The following ULK4 variants were observed in gnomAD, a reference collection of about 807,000 sequenced individuals.
ULK4 encodes the protein inactive serine/threonine-protein kinase ULK4.
In ULK4, 133 loss-of-function variants were observed where a neutral mutation model predicts 160.6. The ratio of observed to expected loss-of-function variants is 0.83; its 90% CI spans 0.72 to 0.96. The LOEUF is 0.96. Ranked by LOEUF, ULK4 falls within the 40% of genes least tolerant of loss-of-function variation. ULK4 has a pLI of 0.00. For missense variants in ULK4, 1,580 were observed against 1,499.5 expected, an observed-to-expected ratio of 1.05 and a Z score of -0.89; for synonymous variants, 534 against 539.8, an observed-to-expected ratio of 0.99 and a Z score of 0.15.
chr3:41,306,018 G>T (rs1400568312), intron 35 of ULK4, among the ~76,000 whole-genome samples: 1 of 147,762 alleles, frequency 6.8e-6, no homozygotes, highest in Non-Finnish European at 1.5e-5. Flanking sequence ...GAGCCCCTCC[G>T]CCTGGCAGTC....
intron 30 of ULK4, among the ~76,000 whole-genome samples, chr3:41,645,810 T>C (rs1237132304): frequency 6.6e-6 from 1 of 152,180 alleles, no homozygotes; most frequent in East Asian, 1.9e-4. Flanking sequence ...TCTCCCATTA[T>C]TATTGTGTGG....
At chr3:41,433,302 G>A (rs1575552355) in intron 34 of ULK4, among the ~76,000 whole-genome samples, 1 of 152,296 alleles carries the variant, frequency 6.6e-6, no homozygotes, top group East Asian at 1.9e-4. Flanking sequence ...CAGGTTTCAT[G>A]TGTCAGAATG....
At chr3:41,311,633 A>G (rs1349589355) in intron 35 of ULK4, among the ~76,000 whole-genome samples, 1 of 152,020 alleles carries the variant, frequency 6.6e-6, no homozygotes, top group African/African-American at 2.4e-5. Context: ...CAGTGGTGCA[A>G]TCTCGACTCA....
chr3:41,826,802 A>C (rs1273191514), intron 18 of ULK4, among the ~76,000 whole-genome samples: 1 of 145,906 alleles, frequency 6.9e-6, no homozygotes, highest in Admixed American at 6.7e-5. Context: ...CTATGCACCA[A>C]GCGGACCTAA....
At chr3:41,548,149 C>T (rs903395925) in intron 32 of ULK4, among the ~76,000 whole-genome samples, 20 of 152,304 alleles carry the variant, frequency 1.3e-4, no homozygotes, top group African/African-American at 4.8e-4. Context: ...GAATGCCTTG[C>T]TCCACCCACC....
At chr3:41,747,786 C>G (rs2038467741) in intron 22 of ULK4, among the ~76,000 whole-genome samples, 1 of 152,042 alleles carries the variant, frequency 6.6e-6, no homozygotes, top group Admixed American at 6.6e-5. Context: ...GAAGGCAGCC[C>G]TCTATGTAAG....
intron 27 of ULK4, 137 bp downstream of exon 27, chr3:41,704,920 C>A: frequency 1.7e-6 from 1 of 585,476 alleles, no homozygotes; most frequent in South Asian, 3.0e-5. Context: ...GTTCATCCTG[C>A]CAGGGTAGGG....
chr3:41,586,541 T>C (rs1209012286), intron 31 of ULK4, among the ~76,000 whole-genome samples: 1 of 152,190 alleles, frequency 6.6e-6, no homozygotes, highest in Non-Finnish European at 1.5e-5. Context: ...GTTTCAGTTT[T>C]ACAAGATGAA....
At position 41,600,744 on chromosome 3, in the gene ULK4, C is replaced by T. The variant is rs530511469; in HGVS notation, c.3120+14925G>A. On this transcript the variant is annotated intron_variant, in intron 31 of 36. Transcript: ENST00000301831. ...ATTTACATCTGCCTCCACAGTAAAC[C>T]GTGAGCTCACCAAAGCCAAGTCCTG... Among the ~76,000 whole-genome samples, 37 of 152,294 alleles carry T rather than the reference C, an allele frequency of 2.4e-4. 1 individual carries two copies. In the South Asian group the frequency reaches 7.7e-3, roughly 32 times the overall value.
chr3:41,954,680 A>G lies in ULK4; in HGVS notation c.80T>C (p.Ile27Thr), dbSNP rs1363637657. Reference sequence around the variant, plus strand: ...AGTACAAAGAATGGCTACAAAATTGATTGTTCCCTTCCGTCGCCCTTTATA... The same window carrying G: ...AGTACAAAGAATGGCTACAAAATTGGTTGTTCCCTTCCGTCGCCCTTTATA... ...VVYKGRRKGT[I>T]NFVAILCTDK... Residue 27 changes from isoleucine to threonine, a missense_variant, in exon 2 of 37, where the codon ATC becomes ACC. Physicochemically the swap from Ile to Thr is moderately conservative, Grantham distance 89. Transcript: ENST00000301831. 6.2e-7 allele frequency: 1 copy of G among 1,614,028 alleles called. No homozygotes were observed. The highest frequency in any genetic ancestry group is 1.1e-5 in the South Asian group (1 of 91,082).
chr3:41,848,386 AT>A (rs1417298625), intron 17 of ULK4, among the ~76,000 whole-genome samples: 1 of 152,162 alleles, frequency 6.6e-6, no homozygotes, highest in Non-Finnish European at 1.5e-5. Flanking sequence ...GAAATCTGCC[AT>A]TTTTTGGTCA....
rs181707701 is a variant in ULK4 at position 41,423,892 on chromosome 3, T to A, written c.3493-25628A>T. The stretch of plus-strand genomic sequence containing the variant: ...CCCACAGATCAAGAGATCCCCCTCA[T>A]GAGCCAACACCACCAGGGCCTTGGG... On this transcript the variant is annotated intron_variant, in intron 34 of 36. Transcript: ENST00000301831. Among the ~76,000 whole-genome samples, 603 of 152,312 alleles carry A rather than the reference T, an allele frequency of 4.0e-3. 2 individuals are homozygous for A. The highest frequency in any genetic ancestry group is 0.014 in the African/African-American group (580 of 41,576).
chr3:41,508,654 G>A (rs2085475263), intron 32 of ULK4, among the ~76,000 whole-genome samples: 1 of 152,170 alleles, frequency 6.6e-6, no homozygotes, highest in African/African-American at 2.4e-5. Context: ...AGGACTCTTT[G>A]CAGAGATTCC....
chr3:41,485,074 T>C (rs115804164), intron 32 of ULK4, among the ~76,000 whole-genome samples: 10 of 152,298 alleles, frequency 6.6e-5, no homozygotes, highest in African/African-American at 2.4e-4. Context: ...TTATTCTAAG[T>C]GCTTTACCAT....
intron 32 of ULK4, among the ~76,000 whole-genome samples, chr3:41,554,007 G>A (rs989939038): frequency 6.6e-6 from 1 of 151,824 alleles, no homozygotes; most frequent in Admixed American, 6.6e-5. Context: ...CCAGCCTCTC[G>A]TAACCTTTAT....
chr3:41,646,778 T>C (rs2034513846), intron 30 of ULK4, among the ~76,000 whole-genome samples: 1 of 152,230 alleles, frequency 6.6e-6, no homozygotes, highest in African/African-American at 2.4e-5. Context: ...GATAATATCC[T>C]GAAGAGTGTT....
At chr3:41,924,962 T>G (rs1279284131) in intron 5 of ULK4, among the ~76,000 whole-genome samples, 3 of 152,110 alleles carry the variant, frequency 2.0e-5, no homozygotes, top group Non-Finnish European at 2.9e-5. Flanking sequence ...CTGAACATGG[T>G]ATATGAGGAG....
At chr3:41,824,124 C>T (rs1229416694) in intron 18 of ULK4, among the ~76,000 whole-genome samples, 2 of 147,362 alleles carry the variant, frequency 1.4e-5, no homozygotes, top group South Asian at 2.1e-4. Context: ...GATTATGTCA[C>T]TGCATTCCAG....
intron 30 of ULK4, among the ~76,000 whole-genome samples, chr3:41,632,808 T>G (rs1485126919): frequency 2.0e-5 from 3 of 151,748 alleles, no homozygotes; most frequent in Admixed American, 6.6e-5. Flanking sequence ...CAGAAAGAAC[T>G]TAAGTAAACC....
Sources: allele counts gnomAD v4.1 joint callset (sites outside exome capture counted in the v4.1 genomes callset), GRCh38; gene constraint gnomAD v4.1.1; transcripts MANE v1.5; gene names NCBI Gene and HGNC (gene_info 2026-07-23, HGNC 2026-07-21).